NAV2: variants seen among roughly 807,000 people sequenced by gnomAD.
NAV2 encodes the protein neuron navigator 2, also known as helicase, APC down-regulated 1.
Under a neutral mutation model 223.2 loss-of-function variants are expected in NAV2, and 54 were observed. That is an observed-to-expected ratio of 0.24 (90% confidence interval 0.19 to 0.30). NAV2 has a LOEUF of 0.30. Among genes scored for constraint, NAV2 ranks in the 10% least tolerant of loss-of-function variants. NAV2 has a pLI of 1.00. For synonymous variants in NAV2, 1,279 were observed against 1,239.3 expected, an observed-to-expected ratio of 1.03 and a Z score of -0.67; for missense variants, 2,806 against 3,147.5, an observed-to-expected ratio of 0.89 and a Z score of 2.60.
chr11:19,481,046 C>T lies in NAV2; in HGVS notation c.75+130019C>T, dbSNP rs149834860. On this transcript the variant is annotated intron_variant, in intron 1 of 37. Transcript: ENST00000360655. ...ATAAGGATCCGTAGCACCTGCAGCC[C>T]GGACAGGTGACTGCTTGGTAGGTTT... is the stretch of plus-strand genomic sequence containing the variant. Among the ~76,000 whole-genome samples, 330 of 152,282 alleles carry T rather than the reference C, an allele frequency of 2.2e-3. 2 individuals carry two copies. The highest frequency in any genetic ancestry group is 0.01 in the Middle Eastern group (3 of 294).
chr11:19,724,655 A>G (rs1423830968), intron 1 of NAV2, among the ~76,000 whole-genome samples: 3 of 152,256 alleles, frequency 2.0e-5, no homozygotes, highest in Admixed American at 2.0e-4. Flanking sequence ...GACACTTTAC[A>G]TACATTATCC....
Position 20,103,354 on chromosome 11 carries a change from G to A in NAV2, c.6517G>A (p.Val2173Met), listed in dbSNP as rs531275484. 2.2e-5 allele frequency: 36 copies of A among 1,614,212 alleles called. No individual in the cohort carries two copies. The African/African-American group carries it at 3.2e-4, about 14-fold the overall frequency. Residue 2173 changes from valine to methionine, a missense_variant, in exon 33 of 38, where the codon GTG becomes ATG. Val to Met is a conservative substitution (Grantham distance 21). Transcript: ENST00000349880. ...LVIILDNLHHVSSLGEIFNGL... is the reference protein window; with the variant it reads ...LVIILDNLHHMSSLGEIFNGL... ...CATCATCCTGGACAACCTACACCAC[G>A]TGAGCTCTCTGGGAGAGATCTTCAA...
intron 1 of NAV2, among the ~76,000 whole-genome samples, chr11:19,418,462 A>T (rs1850472470): frequency 6.6e-6 from 1 of 152,214 alleles, no homozygotes; most frequent in Admixed American, 6.5e-5. Flanking sequence ...CACTGAAAAC[A>T]TGTTTTCTAA....
At chr11:19,677,578 A>G (rs2048751112) in intron 1 of NAV2, among the ~76,000 whole-genome samples, 1 of 152,246 alleles carries the variant, frequency 6.6e-6, no homozygotes, top group South Asian at 2.1e-4. Context: ...ACTCCTAAAA[A>G]TTATCTGTCC....
Position 19,831,746 on chromosome 11 carries a change from C to T in NAV2, c.268-738C>T, listed in dbSNP as rs1220250493. 2.0e-4 allele frequency among the ~76,000 whole-genome samples: 31 copies of T among 152,158 alleles called. 1 individual carries two copies. Among genetic ancestry groups the T allele is most frequent in the Admixed American group, 2.0e-3 (31 of 15,282 alleles). ...CCAGGAAGAGCAGGTCAGATATGTT[C>T]CCCAAGGGGGTCTGTTCTCCTGATT... On this transcript the variant is annotated intron_variant, in intron 1 of 37. Coordinates refer to ENST00000349880, the MANE Select transcript of NAV2 (RefSeq NM_145117.5).
At chr11:20,057,561 G>A (rs1187588077) in intron 19 of NAV2, among the ~76,000 whole-genome samples, 7 of 152,192 alleles carry the variant, frequency 4.6e-5, no homozygotes, top group African/African-American at 1.2e-4. Context: ...ATCCTAAGGT[G>A]AAGGAAGTGG....
chr11:20,020,838 G>A (rs891003996), intron 11 of NAV2, among the ~76,000 whole-genome samples: 6 of 151,968 alleles, frequency 3.9e-5, no homozygotes, highest in Non-Finnish European at 7.4e-5. Flanking sequence ...CTCCTCTCTC[G>A]CTGTACCCTT....
intron 5 of NAV2, among the ~76,000 whole-genome samples, chr11:19,882,836 C>T (rs2063301698): frequency 1.3e-5 from 2 of 152,166 alleles, no homozygotes; most frequent in South Asian, 2.1e-4. Context: ...GCTGTATGTC[C>T]TCATCCCTTC....
At chr11:19,436,020 G>A (rs137913644) in intron 1 of NAV2, among the ~76,000 whole-genome samples, 94 of 151,954 alleles carry the variant, frequency 6.2e-4, no homozygotes, top group African/African-American at 2.1e-3. Flanking sequence ...TCTCTGTGTC[G>A]TCTCTTCATT....
intron 1 of NAV2, among the ~76,000 whole-genome samples, chr11:19,452,247 T>C (rs926735603): frequency 6.6e-6 from 1 of 152,034 alleles, no homozygotes; most frequent in African/African-American, 2.4e-5. Flanking sequence ...ATTTAAGAGA[T>C]TGCTTTTAAA....
chr11:19,659,660 G>A (rs1260322532), intron 1 of NAV2, among the ~76,000 whole-genome samples: 1 of 152,100 alleles, frequency 6.6e-6, no homozygotes, highest in Non-Finnish European at 1.5e-5. Context: ...GGGCTGCAAG[G>A]TTAGAAAGAG....
At chr11:19,996,364 T>A (rs2051884556) in intron 11 of NAV2, among the ~76,000 whole-genome samples, 1 of 152,216 alleles carries the variant, frequency 6.6e-6, no homozygotes, top group African/African-American at 2.4e-5. Flanking sequence ...ATTTCTGACC[T>A]TTAAGCCAGT....
intron 6 of NAV2, among the ~76,000 whole-genome samples, chr11:19,905,056 GTATT>G (rs2042755997): frequency 6.6e-6 from 1 of 152,124 alleles, no homozygotes; most frequent in Non-Finnish European, 1.5e-5. Context: ...TCCCTTAAAA[GTATT>G]CATTCATTCC....
intron 1 of NAV2, among the ~76,000 whole-genome samples, chr11:19,724,739 C>T (rs1358992031): frequency 6.6e-6 from 1 of 152,212 alleles, no homozygotes; most frequent in East Asian, 1.9e-4. Flanking sequence ...AGGTCAGTAA[C>T]TTGACCAAGA....
In NAV2 at chr11:19,998,573, G is replaced by A. The variant is rs752986874; in HGVS notation, c.2768+14326G>A. ...AGGGGGTGTGTGTTCTGGCCCCTGC[G>A]CACCTCTCCAGCCTCACCTCATCAC... On this transcript the variant is annotated intron_variant, in intron 11 of 37. Coordinates refer to ENST00000349880, the MANE Select transcript of NAV2 (RefSeq NM_145117.5). The surrounding 1 kb of genome is among the most constrained non-coding windows in gnomAD (Gnocchi z 5.0). Among the ~76,000 whole-genome samples, 5 of 151,990 alleles carry A rather than the reference G, an allele frequency of 3.3e-5. No individual in the cohort carries two copies. Among genetic ancestry groups the A allele is most frequent in the Admixed American group, 1.3e-4 (2 of 15,248 alleles).
At chr11:19,949,766 G>A (rs555003140) in intron 10 of NAV2, among the ~76,000 whole-genome samples, 1 of 152,204 alleles carries the variant, frequency 6.6e-6, no homozygotes, top group African/African-American at 2.4e-5. Flanking sequence ...ACTTGCAGCA[G>A]TAAGTACCAT....
At chr11:19,839,116 C>T (rs1275424174) in intron 2 of NAV2, among the ~76,000 whole-genome samples, 3 of 152,170 alleles carry the variant, frequency 2.0e-5, no homozygotes, top group South Asian at 2.1e-4. Flanking sequence ...GTGTGTTCAA[C>T]GTCTTGTTAG....
intron 1 of NAV2, among the ~76,000 whole-genome samples, chr11:19,413,084 A>T (rs1850214724): frequency 6.6e-6 from 1 of 152,192 alleles, no homozygotes; most frequent in Non-Finnish European, 1.5e-5. Context: ...AGTTTGAAAA[A>T]TTGACAGAAG....
chr11:19,498,402 C>A (rs2134131614), intron 1 of NAV2, among the ~76,000 whole-genome samples: 1 of 152,354 alleles, frequency 6.6e-6, no homozygotes, highest in South Asian at 2.1e-4. Context: ...TGAGGAATCT[C>A]TCTGAGCCTC....
Sources: gnomAD v4.1 joint callset for allele counts (sites outside exome capture counted in the v4.1 genomes callset) on GRCh38, gnomAD v4.1.1 for gene constraint, Gnocchi (gnomAD v3.1) non-coding constraint, MANE v1.5 for transcripts, NCBI Gene and HGNC (gene_info 2026-07-23, HGNC 2026-07-21) for gene names.